The following DLG2 variants were observed in gnomAD, a reference collection of about 807,000 sequenced individuals.
DLG2 encodes discs large MAGUK scaffold protein 2.
Under a neutral mutation model 132.5 loss-of-function variants are expected in DLG2, and 45 were observed. That is an observed-to-expected ratio of 0.34 (90% confidence interval 0.27 to 0.44). The LOEUF is 0.44. Among genes scored for constraint, DLG2 ranks in the 20% least tolerant of loss-of-function variants. The pLI is 1.00. For missense variants in DLG2, 1,045 were observed against 1,196.9 expected (o/e 0.87, Z 1.87); for synonymous variants, 424 against 419.6 (o/e 1.01, Z -0.13).
chr11:84,943,466 T>C (rs575309339), intron 6 of DLG2, among the ~76,000 whole-genome samples: 21 of 152,176 alleles, frequency 1.4e-4, no homozygotes, highest in Non-Finnish European at 7.4e-5. Context: ...TGGTATGTTT[T>C]AATTTCTTTC....
chr11:84,925,987 T>C (rs1252498489), intron 6 of DLG2, among the ~76,000 whole-genome samples: 2 of 152,152 alleles, frequency 1.3e-5, no homozygotes, highest in East Asian at 3.8e-4. Flanking sequence ...ATAAAACTTC[T>C]CCTTGGGTAA....
chr11:84,417,938 C>G (rs977197204), intron 7 of DLG2, among the ~76,000 whole-genome samples: 1 of 152,166 alleles, frequency 6.6e-6, no homozygotes, highest in Admixed American at 6.5e-5. Context: ...TATACTCTTA[C>G]AGTATCTCTC....
At chr11:83,574,714 C>T (rs2096848406) in intron 19 of DLG2, among the ~76,000 whole-genome samples, 1 of 152,184 alleles carries the variant, frequency 6.6e-6, no homozygotes, top group South Asian at 2.1e-4. Flanking sequence ...AAGAACCTCC[C>T]ATCAGAACTG....
At chr11:83,725,912 C>T (rs1055318954) in intron 18 of DLG2, among the ~76,000 whole-genome samples, 8 of 152,156 alleles carry the variant, frequency 5.3e-5, no homozygotes, top group African/African-American at 7.2e-5. Flanking sequence ...TTTCCCAGCA[C>T]GGTCTACTGC....
At chr11:84,618,847 A>G (rs993578545) in intron 6 of DLG2, among the ~76,000 whole-genome samples, 1 of 152,226 alleles carries the variant, frequency 6.6e-6, no homozygotes, top group African/African-American at 2.4e-5. Context: ...TATTAAGATT[A>G]TCAGACACAT....
At chr11:84,861,490 T>A (rs1051128462) in intron 6 of DLG2, among the ~76,000 whole-genome samples, 1 of 151,886 alleles carries the variant, frequency 6.6e-6, no homozygotes, top group African/African-American at 2.4e-5. Flanking sequence ...GGGATATTAG[T>A]TCCAAATGGT....
At chr11:85,003,809 TTTG>T (rs2058411949) in intron 6 of DLG2, among the ~76,000 whole-genome samples, 1 of 152,146 alleles carries the variant, frequency 6.6e-6, no homozygotes. Context: ...GTCATGGTGG[TTTG>T]CTGCACCCAT....
intron 18 of DLG2, among the ~76,000 whole-genome samples, chr11:83,700,734 TA>T (rs5793084): frequency 7.9e-5 from 12 of 151,310 alleles, no homozygotes; most frequent in South Asian, 6.3e-4. Context: ...GGAATGAAAA[TA>T]AAAAAAAACT....
intron 3 of DLG2, among the ~76,000 whole-genome samples, chr11:85,533,542 C>T (rs1421571247): frequency 6.6e-5 from 10 of 150,874 alleles, no homozygotes; most frequent in African/African-American, 1.7e-4. Context: ...TATCTAAATC[C>T]ATCACTGATG....
At chr11:84,750,574 A>G (rs2065978736) in intron 6 of DLG2, among the ~76,000 whole-genome samples, 1 of 151,986 alleles carries the variant, frequency 6.6e-6, no homozygotes, top group South Asian at 2.1e-4. Flanking sequence ...ATAGTTATTG[A>G]AAAAAACTAT....
intron 3 of DLG2, among the ~76,000 whole-genome samples, chr11:85,520,714 C>T (rs537410763): frequency 9.9e-5 from 15 of 151,930 alleles, no homozygotes; most frequent in Non-Finnish European, 1.9e-4. Flanking sequence ...ATCAACACAC[C>T]TACAGTGAAC....
rs1221244283 is a variant in DLG2, at chr11:85,060,096, A to G, written c.357+51565T>C. Among the ~76,000 whole-genome samples, 18 of 151,264 alleles carry G rather than the reference A, an allele frequency of 1.2e-4. No individual in the cohort carries two copies. In the Admixed American group the frequency reaches 1.2e-3, roughly 10 times the overall value. Reference sequence around the variant, plus strand: ...TACATCCATTAAAGAAAAACTCACCATTTCCCTCTCTCTCCAGCCCCTGGC... The same window carrying G: ...TACATCCATTAAAGAAAAACTCACCGTTTCCCTCTCTCTCCAGCCCCTGGC... On this transcript the variant is annotated intron_variant, in intron 6 of 27. Coordinates refer to ENST00000376104, the MANE Select transcript of DLG2 (RefSeq NM_001142699.3).
intron 6 of DLG2, among the ~76,000 whole-genome samples, chr11:84,895,516 T>C (rs1285202818): frequency 6.6e-6 from 1 of 152,216 alleles, no homozygotes; most frequent in Non-Finnish European, 1.5e-5. Flanking sequence ...AGAGCAATGA[T>C]ATCATAGCTT....
At chr11:83,862,000 C>T (rs984832021) in intron 16 of DLG2, among the ~76,000 whole-genome samples, 1 of 152,066 alleles carries the variant, frequency 6.6e-6, no homozygotes, top group Admixed American at 6.6e-5. Context: ...AATATATACA[C>T]TTATTTTGTT....
At chr11:83,850,162 T>TGTGGTGTGTG (rs59045992) in intron 16 of DLG2, among the ~76,000 whole-genome samples, 1 of 115,512 alleles carries the variant, frequency 8.7e-6, no homozygotes, top group African/African-American at 4.0e-5. Flanking sequence ...GTGTGTGTGT[T>TGTGGTGTGTG]TTTTTACTTG....
At chr11:85,171,225 T>C (rs1274588591) in intron 4 of DLG2, among the ~76,000 whole-genome samples, 1 of 152,042 alleles carries the variant, frequency 6.6e-6, no homozygotes, top group Non-Finnish European at 1.5e-5. Context: ...GGTTATTGCA[T>C]TAGGACTGAC....
At chr11:84,294,269 A>G (rs1024828984) in intron 7 of DLG2, among the ~76,000 whole-genome samples, 2 of 152,278 alleles carry the variant, frequency 1.3e-5, no homozygotes, top group Middle Eastern at 3.4e-3. Flanking sequence ...GTTATTATGC[A>G]TAAGTAAAAA....
chr11:85,092,118 C>T (rs1045517262), intron 6 of DLG2, among the ~76,000 whole-genome samples: 14 of 152,154 alleles, frequency 9.2e-5, no homozygotes, highest in South Asian at 4.1e-4. Flanking sequence ...ACAGATATTG[C>T]GTTAGTAGGC....
chr11:84,633,735 T>C (rs2099636025), intron 6 of DLG2, among the ~76,000 whole-genome samples: 1 of 152,252 alleles, frequency 6.6e-6, no homozygotes, highest in East Asian at 1.9e-4. Context: ...GAATGCAGAC[T>C]ATGGGCCAGG....
Sources: gnomAD v4.1 joint callset for allele counts (sites outside exome capture counted in the v4.1 genomes callset) on GRCh38, gnomAD v4.1.1 for gene constraint, MANE v1.5 for transcripts, NCBI Gene and HGNC (gene_info 2026-07-23, HGNC 2026-07-21) for gene names.